The following SLC3A2 variants were observed in gnomAD, a reference collection of about 807,000 sequenced individuals.
The protein encoded by SLC3A2 is amino acid transporter heavy chain SLC3A2.
Under a neutral mutation model 48.5 loss-of-function variants are expected in SLC3A2, and 32 were observed. That is an observed-to-expected ratio of 0.66 (90% CI 0.50 to 0.89). The LOEUF (loss-of-function observed/expected upper bound fraction) is 0.89, where lower values mean the gene tolerates loss of function less well. Among genes scored for constraint, SLC3A2 ranks in the 40% least tolerant of loss-of-function variants. The pLI is 0.00. For synonymous variants in SLC3A2, 277 were observed against 288.8 expected (o/e 0.96, Z 0.41); for missense variants, 587 against 680.7 (o/e 0.86, Z 1.53).
At chr11:62,884,083 T>A (rs1016960599) in intron 3 of SLC3A2, 1 of 467,652 alleles carries the variant, frequency 2.1e-6, no homozygotes, top group African/African-American at 2.0e-5. Context: ...TCCCTGCTTC[T>A]CTGGGTCTGT....
At chr11:62,880,367 C>G (rs1476016011), upstream of SLC3A2, 1 of 152,242 alleles carries the variant, frequency 6.6e-6, no homozygotes, top group African/African-American at 2.4e-5. Context: ...GTAAGCCGTG[C>G]ACGGAAGCAG....
In SLC3A2 at chr11:62,888,507, T is replaced by C; in HGVS notation, c.1404T>C (p.Phe468=). The change falls in exon 9 of 9, where the codon TTT becomes TTC. Residue 468 remains phenylalanine (F), a synonymous_variant. Coordinates refer to ENST00000338663, the MANE Select transcript of SLC3A2 (RefSeq NM_001013251.3). ...QNERFLVVLN[F]GDVGLSAGLQ... ...AGCGTTTTCTGGTAGTGCTTAACTT[T>C]GGGGATGTGGGCCTCTCGGCTGGAC... is the stretch of plus-strand genomic sequence containing the variant. The C allele has an allele frequency of 6.2e-7, 1 of 1,614,222 alleles. No homozygotes were observed. Among genetic ancestry groups the C allele is most frequent in the Non-Finnish European group, 8.5e-7 (1 of 1,180,048 alleles).
intron 2 of SLC3A2, 109 bp downstream of exon 2, chr11:62,882,175 G>A: frequency 7.6e-7 from 1 of 1,315,724 alleles, no homozygotes; most frequent in Non-Finnish European, 1.1e-6. Flanking sequence ...AGTTTTCCTA[G>A]GGCAGGTAGA....
At chr11:62,885,117 C>T in intron 5 of SLC3A2, 60 bp from the exon 6 acceptor site, 1 of 1,572,842 alleles carries the variant, frequency 6.4e-7, no homozygotes, top group South Asian at 1.2e-5. Context: ...AGGCGTGAGC[C>T]ACTGCGCCTG....
chr11:62,887,849 G>A (rs558318006), intron 7 of SLC3A2: 13 of 314,726 alleles, frequency 4.1e-5, no homozygotes, highest in Non-Finnish European at 7.3e-5. Context: ...CTGGAGTACA[G>A]TGGTGGAGTC....
chr11:62,871,524 G>A, intron 1 of SLC3A2: 1 of 572,658 alleles, frequency 1.7e-6, no homozygotes. Context: ...ACAGGCGTGA[G>A]CCACTGTGCC....
chr11:62,867,613 C>T (rs932690235), intron 1 of SLC3A2, among the ~76,000 whole-genome samples: 1 of 152,034 alleles, frequency 6.6e-6, no homozygotes, highest in African/African-American at 2.4e-5. Flanking sequence ...CGTGAGCCAC[C>T]GTGCCCGGCT....
In SLC3A2 at chr11:62,881,820, T is replaced by A; in HGVS notation, c.425-73T>A. The stretch of plus-strand genomic sequence containing the variant: ...CCCTCCCCGTCCCACCCTTAGGCGC[T>A]GGGAGAAGGGAGGGTGGGGAGGTCA... On this transcript the variant is annotated intron_variant, in intron 1 of 8. Transcript: ENST00000338663. The surrounding 1 kb of genome is among the most constrained non-coding windows in gnomAD (Gnocchi z 4.0). The A allele has an allele frequency of 6.6e-7, 1 of 1,525,254 alleles. No individual in the cohort carries two copies. The highest frequency in any genetic ancestry group is 9.0e-7 in the Non-Finnish European group (1 of 1,115,592). The allele number at this position is 1,525,254 out of a possible 1,614,324, so 94.5% of individuals were successfully genotyped here.
chr11:62,887,801 CT>C (rs200246206), intron 7 of SLC3A2: 209 of 192,934 alleles, frequency 1.1e-3, no homozygotes, highest in South Asian at 3.1e-3. Flanking sequence ...GGGCCCAGGG[CT>C]TTTTTTTTGA....
chr11:62,873,053 G>A (rs188545596), intron 1 of SLC3A2, among the ~76,000 whole-genome samples: 57 of 151,714 alleles, frequency 3.8e-4, no homozygotes, highest in African/African-American at 1.3e-3. Context: ...ACAGGGTCTC[G>A]CTCTGTGGCC....
intron 5 of SLC3A2, 121 bp downstream of exon 5, chr11:62,884,811 AGCTTTTT>A: frequency 1.1e-5 from 1 of 88,566 alleles, no homozygotes; most frequent in Non-Finnish European, 2.0e-5. Flanking sequence ...TTCTTTCTTT[AGCTTTTT>A]TTTTTTTTTT....
chr11:62,884,145 G>C, intron 3 of SLC3A2: 1 of 525,258 alleles, frequency 1.9e-6, no homozygotes, highest in Non-Finnish European at 3.6e-6. Context: ...AGTGTTAAAC[G>C]AAGTTATGTT....
upstream of SLC3A2, among the ~76,000 whole-genome samples, chr11:62,879,597 G>C (rs2085607592): frequency 6.6e-6 from 1 of 152,236 alleles, no homozygotes; most frequent in Non-Finnish European, 1.5e-5. Context: ...GATGCCTGGG[G>C]TTGCAGAGGG....
chr11:62,859,948 C>T (rs571013547), intron 1 of SLC3A2, among the ~76,000 whole-genome samples: 1 of 152,212 alleles, frequency 6.6e-6, no homozygotes, highest in African/African-American at 2.4e-5. Flanking sequence ...AAAGTGGACC[C>T]GGGGACTGGC....
intron 2 of SLC3A2, chr11:62,882,550 T>C (rs1430011678): frequency 7.0e-6 from 2 of 285,790 alleles, no homozygotes; most frequent in Non-Finnish European, 1.4e-5. Flanking sequence ...AGTGGAACGA[T>C]CTCAGCTTAC....
rs762084546 is a variant in SLC3A2, at chr11:62,881,609, C to T, written c.424+162C>T. 1.8e-6 allele frequency: 2 copies of T among 1,109,536 alleles called. No individual in the cohort carries two copies. The highest frequency in any genetic ancestry group is 2.5e-6 in the Non-Finnish European group (2 of 803,406). The allele number at this position is 1,109,536 out of a possible 1,614,324, so 68.7% of individuals were successfully genotyped here. A position where few individuals can be genotyped will look rare whatever the true frequency, so the allele number is the denominator to read the frequency against. On this transcript the variant is annotated intron_variant, in intron 1 of 8. Coordinates refer to ENST00000338663, the MANE Select transcript of SLC3A2 (RefSeq NM_001013251.3). This position sits in a 1 kb window ranked among gnomAD's most constrained non-coding sequence, Gnocchi z 4.0. ...CCCCCTCCCCGGCACATTGTCCTTCCCTCCTTTCTTTGAAGAAAGCCGACC... is the reference window on the plus strand; with the variant it reads ...CCCCCTCCCCGGCACATTGTCCTTCTCTCCTTTCTTTGAAGAAAGCCGACC...
intron 1 of SLC3A2, among the ~76,000 whole-genome samples, chr11:62,864,267 T>C (rs2085429550): frequency 6.6e-6 from 1 of 152,038 alleles, no homozygotes; most frequent in Non-Finnish European, 1.5e-5. Context: ...CCAATGCGAT[T>C]ACTTCAACTC....
chr11:62,888,139 T>C lies in SLC3A2; in HGVS notation c.1148T>C (p.Met383Thr), dbSNP rs1322980026. ...CCTATTTTCTCTGCTTTTCAGCCTA[T>C]GGAGGCTCCAGTCATGCTGTGGGAT... The part of the protein sequence containing the change: ...LDAAALPGQP[M>T]EAPVMLWDES... The change falls in exon 8 of 9, where the codon ATG becomes ACG. Residue 383 changes from methionine to threonine, a missense_variant. By Grantham distance (81) the Met-to-Thr change is moderately conservative. Transcript: ENST00000338663. 1 of 1,613,490 alleles carries C rather than the reference T, an allele frequency of 6.2e-7. No individual in the cohort carries two copies. Among genetic ancestry groups the C allele is most frequent in the Non-Finnish European group, 8.5e-7 (1 of 1,179,860 alleles).
At chr11:62,878,158 CA>C (rs1231829472), upstream of SLC3A2, among the ~76,000 whole-genome samples, 130 of 116,354 alleles carry the variant, frequency 1.1e-3, no homozygotes, top group Non-Finnish European at 1.1e-3. Flanking sequence ...GACCCTGTCT[CA>C]AAAAAAAAAA....
Sources: gnomAD v4.1 joint callset for allele counts (sites outside exome capture counted in the v4.1 genomes callset) on GRCh38, gnomAD v4.1.1 for gene constraint, Gnocchi (gnomAD v3.1) non-coding constraint, MANE v1.5 for transcripts, NCBI Gene and HGNC (gene_info 2026-07-23, HGNC 2026-07-21) for gene names.